Variants in GLG1 observed in about 807,000 individuals in gnomAD.
GLG1 encodes golgi glycoprotein 1, also known as Golgi apparatus protein 1.
GLG1 carries 38 observed loss-of-function variants against 160.5 expected under a neutral mutation model. The observed-to-expected ratio is 0.24, with a 90% CI of 0.18 to 0.31. GLG1 has a LOEUF of 0.31. Ranked by LOEUF, GLG1 falls within the 10% of genes least tolerant of loss-of-function variation. The pLI is 1.00. For synonymous variants in GLG1, 644 were observed against 543.4 expected, an observed-to-expected ratio of 1.19 and a Z score of -2.57; for missense variants, 1,373 against 1,505.2, an observed-to-expected ratio of 0.91 and a Z score of 1.45.
At chr16:74,566,127 C>A (rs2018648523) in intron 1 of GLG1, among the ~76,000 whole-genome samples, 2 of 152,174 alleles carry the variant, frequency 1.3e-5, no homozygotes, top group Admixed American at 6.5e-5. Context: ...GCTACAAACA[C>A]CACCTCACTC....
rs758175120 is a variant in GLG1 at position 74,469,056 on chromosome 16, C to T, written c.2326G>A (p.Val776Met). 2.5e-6 allele frequency: 4 copies of T among 1,612,408 alleles called. No individual in the cohort carries two copies. Among genetic ancestry groups the T allele is most frequent in the South Asian group, 1.1e-5 (1 of 91,050 alleles). The change falls in exon 17 of 26, where the codon GTG (valine) becomes ATG (methionine). Residue 776 changes from valine to methionine, a missense_variant. Transcript: ENST00000422840. ...ACGGTCGTGCTCAGGCAGATCACCACGTCCACCCTGCAGACGAAAGAAGCT... is the reference window on the plus strand; with the variant it reads ...ACGGTCGTGCTCAGGCAGATCACCATGTCCACCCTGCAGACGAAAGAAGCT... ...LCPNIKKKVDVVICLSTTVRN... is the reference protein window; with the variant it reads ...LCPNIKKKVDMVICLSTTVRN...
At chr16:74,536,777 C>G (rs1176502836) in intron 1 of GLG1, among the ~76,000 whole-genome samples, 2 of 152,094 alleles carry the variant, frequency 1.3e-5, no homozygotes, top group Non-Finnish European at 2.9e-5. Flanking sequence ...GGAATGGTTA[C>G]TGATTTTTCA....
chr16:74,581,626 T>C (rs115552721), intron 1 of GLG1, among the ~76,000 whole-genome samples: 1,703 of 151,266 alleles, frequency 0.011, 33 homozygotes, highest in African/African-American at 0.039. Context: ...AGGACACTCC[T>C]GTTAACAAAG....
intron 1 of GLG1, among the ~76,000 whole-genome samples, chr16:74,537,112 A>G (rs2017707833): frequency 6.6e-6 from 1 of 152,246 alleles, no homozygotes; most frequent in Admixed American, 6.5e-5. Context: ...TATGAGAGAA[A>G]TGATTCCTGA....
chr16:74,460,248 T>C (rs938823822), intron 22 of GLG1, among the ~76,000 whole-genome samples: 7 of 152,226 alleles, frequency 4.6e-5, no homozygotes, highest in African/African-American at 1.7e-4. Context: ...CTCGAACTTC[T>C]GATCTCAGGT....
intron 2 of GLG1, among the ~76,000 whole-genome samples, chr16:74,511,660 C>G (rs1350449379): frequency 7.0e-6 from 1 of 143,500 alleles, no homozygotes; most frequent in Admixed American, 6.8e-5. Flanking sequence ...TTAGGACAAA[C>G]AGTAACAAAA....
intron 2 of GLG1, among the ~76,000 whole-genome samples, chr16:74,512,149 G>A (rs1387087979): frequency 7.4e-6 from 1 of 135,698 alleles, no homozygotes; most frequent in Non-Finnish European, 1.6e-5. Flanking sequence ...CTACTTTCTG[G>A]TCTTTTATTT....
intron 1 of GLG1, among the ~76,000 whole-genome samples, chr16:74,555,434 C>A (rs545642683): frequency 6.6e-6 from 1 of 152,240 alleles, no homozygotes; most frequent in South Asian, 2.1e-4. Context: ...CACCTATAAT[C>A]CCAGCATTTT....
At chr16:74,553,134 C>A (rs1230308789) in intron 1 of GLG1, among the ~76,000 whole-genome samples, 1 of 151,540 alleles carries the variant, frequency 6.6e-6, no homozygotes, top group Admixed American at 6.6e-5. Flanking sequence ...GCAGAAGAAT[C>A]ACCTGAACCT....
At chr16:74,503,910 G>A (rs1567487554) in intron 3 of GLG1, among the ~76,000 whole-genome samples, 164 bp from the exon 4 acceptor site, 1 of 152,142 alleles carries the variant, frequency 6.6e-6, no homozygotes, top group Non-Finnish European at 1.5e-5. Context: ...AAACATTTAG[G>A]AATACATTCA....
chr16:74,520,426 C>A (rs1255919497), intron 2 of GLG1, among the ~76,000 whole-genome samples: 2 of 152,188 alleles, frequency 1.3e-5, no homozygotes, highest in African/African-American at 4.8e-5. Flanking sequence ...TACCTGAGGT[C>A]AGGAGTTCAA....
intron 1 of GLG1, among the ~76,000 whole-genome samples, chr16:74,575,340 C>T (rs575678059): frequency 3.0e-4 from 45 of 152,214 alleles, no homozygotes; most frequent in Admixed American, 1.1e-3. Context: ...CATTACTTTA[C>T]GTACCACTAG....
chr16:74,584,842 G>C (rs1474435235), intron 1 of GLG1, among the ~76,000 whole-genome samples: 1 of 152,000 alleles, frequency 6.6e-6, no homozygotes, highest in South Asian at 2.1e-4. Context: ...ATTGAATCTG[G>C]GAGGCAGAGG....
intron 4 of GLG1, among the ~76,000 whole-genome samples, chr16:74,497,829 C>A (rs1476845334): frequency 6.6e-6 from 1 of 152,194 alleles, no homozygotes; most frequent in Non-Finnish European, 1.5e-5. Flanking sequence ...TCTGTGGTGT[C>A]CACAAACATC....
intron 1 of GLG1, among the ~76,000 whole-genome samples, chr16:74,534,708 T>C (rs1239385772): frequency 6.6e-6 from 1 of 152,052 alleles, no homozygotes; most frequent in Non-Finnish European, 1.5e-5. Flanking sequence ...TCCTCTGTTT[T>C]GTAAGTCTGT....
intron 1 of GLG1, among the ~76,000 whole-genome samples, chr16:74,536,123 G>C (rs2017680051): frequency 6.6e-6 from 1 of 152,124 alleles, no homozygotes; most frequent in South Asian, 2.1e-4. Context: ...GAAATCTCAA[G>C]GAACGAAAAC....
chr16:74,479,851 A>T (rs1473765905), intron 11 of GLG1, among the ~76,000 whole-genome samples: 1 of 152,202 alleles, frequency 6.6e-6, no homozygotes, highest in East Asian at 1.9e-4. Flanking sequence ...ATGGGCAGAC[A>T]ATGCAAATGT....
chr16:74,498,346 C>T (rs888921103), intron 4 of GLG1, among the ~76,000 whole-genome samples: 3 of 145,326 alleles, frequency 2.1e-5, no homozygotes, highest in African/African-American at 7.6e-5. Context: ...GAAGGAGAAT[C>T]GCTTGAACCC....
Position 74,456,676 on chromosome 16 carries a change from C to G in GLG1, c.3345G>C (p.Arg1115=), listed in dbSNP as rs768630425. 1 of 1,606,100 alleles carries G rather than the reference C, an allele frequency of 6.2e-7. No homozygotes were observed. The highest frequency in any genetic ancestry group is 2.2e-5 in the East Asian group (1 of 44,848). ...TTGCTGCGTAACTCCACATCTCAATCCGGTCATTGAGGCGCTTTTTGCACT... is the reference window on the plus strand; with the variant it reads ...TTGCTGCGTAACTCCACATCTCAATGCGGTCATTGAGGCGCTTTTTGCACT... ...QPECKKRLND[R]IEMWSYAAKV... is the part of the protein sequence containing the mutation. The change falls in exon 25 of 26, where the codon CGG becomes CGC. Residue 1115 remains arginine, a synonymous_variant. Transcript: ENST00000422840.
Sources: allele counts gnomAD v4.1 joint callset (sites outside exome capture counted in the v4.1 genomes callset), GRCh38; gene constraint gnomAD v4.1.1; transcripts MANE v1.5; gene names NCBI Gene and HGNC (gene_info 2026-07-23, HGNC 2026-07-21).